The following PLEKHA6 variants were observed in gnomAD, a reference collection of about 807,000 sequenced individuals.
PLEKHA6 encodes the protein pleckstrin homology domain containing A6.
Under a neutral mutation model 116.7 loss-of-function variants are expected in PLEKHA6, and 60 were observed. The ratio of observed to expected loss-of-function variants is 0.51; its 90% CI spans 0.42 to 0.64. The LOEUF (loss-of-function observed/expected upper bound fraction) is 0.64, where lower values mean the gene tolerates loss of function less well. Ranked by LOEUF, PLEKHA6 falls within the 30% of genes least tolerant of loss-of-function variation. The probability of loss-of-function intolerance (pLI) is 0.00; values close to 1 mark genes in which losing one functional copy is unlikely to be tolerated. For missense variants in PLEKHA6, 1,338 were observed against 1,422.7 expected (o/e 0.94, Z 0.96); for synonymous variants, 489 against 556.1 (o/e 0.88, Z 1.70).
At chr1:204,305,911 G>A (rs576463799) in intron 1 of PLEKHA6, among the ~76,000 whole-genome samples, 14 of 152,040 alleles carry the variant, frequency 9.2e-5, no homozygotes, top group Admixed American at 6.6e-5. Flanking sequence ...TGCCCATCCC[G>A]CATCACCTCT....
chr1:204,301,844 C>G (rs1170558051), intron 1 of PLEKHA6, among the ~76,000 whole-genome samples: 1 of 152,152 alleles, frequency 6.6e-6, no homozygotes, highest in Non-Finnish European at 1.5e-5. Flanking sequence ...ATTCTCAGAT[C>G]TCTTGGCTCT....
At chr1:204,241,900 G>C (rs1662876116) in intron 15 of PLEKHA6, 86 bp from the exon 16 acceptor site, 1 of 1,429,424 alleles carries the variant, frequency 7.0e-7, no homozygotes, top group African/African-American at 1.4e-5. Flanking sequence ...TTTTTTAATG[G>C]TTGAAGCTCA....
Position 204,277,043 on chromosome 1 carries a change from G to A in PLEKHA6, c.-94-2234C>T, listed in dbSNP as rs1050387308. The A allele has an allele frequency of 2.6e-5, 4 of 152,634 alleles. No individual in the cohort carries two copies. The highest frequency in any genetic ancestry group is 6.5e-5 in the Admixed American group (1 of 15,268). 9.5% of individuals were successfully genotyped at this position (152,634 alleles called of 1,614,324 possible). A position where few individuals can be genotyped will look rare whatever the true frequency, so the allele number is the denominator to read the frequency against. On this transcript the variant is annotated intron_variant, in intron 1 of 22. Coordinates refer to ENST00000272203, the MANE Select transcript of PLEKHA6 (RefSeq NM_014935.5). The surrounding 1 kb of genome is among the most constrained non-coding windows in gnomAD (Gnocchi z 4.1). Reference sequence around the variant, plus strand: ...ACTTCAACATCTTTTTGGCAGCTCCGTCCCCAGTTTGGCAGCCTCAGAGGA... The same window carrying A: ...ACTTCAACATCTTTTTGGCAGCTCCATCCCCAGTTTGGCAGCCTCAGAGGA...
Position 204,248,859 on chromosome 1 carries a change from G to C in PLEKHA6, c.1786C>G (p.Leu596Val). The C allele has an allele frequency of 1.2e-6, 2 of 1,614,132 alleles. No individual in the cohort carries two copies. Among genetic ancestry groups the C allele is most frequent in the Non-Finnish European group, 1.7e-6 (2 of 1,180,006 alleles). ...GACAGCTCCACGCGGATGTTGATGAGCTGGTTCTGCAGTGAATCCTTTTTG... is the reference window on the plus strand; with the variant it reads ...GACAGCTCCACGCGGATGTTGATGACCTGGTTCTGCAGTGAATCCTTTTTG... The part of the protein sequence containing the change: ...RHKKDSLQNQ[L>V]INIRVELSQA... The change falls in exon 12 of 23, where the codon CTC becomes GTC. Residue 596 changes from leucine (L) to valine (V), a missense_variant. This residue lies in a region of PLEKHA6 where 1,136 missense variants were observed against 1,163.6 expected (regional missense o/e 0.98). Transcript: ENST00000272203.
chr1:204,254,588 T>C (rs1665028844), intron 9 of PLEKHA6, among the ~76,000 whole-genome samples: 1 of 152,154 alleles, frequency 6.6e-6, no homozygotes, highest in Admixed American at 6.5e-5. Flanking sequence ...TCACTGGCTG[T>C]GTGTTCTTGG....
chr1:204,278,671 T>C (rs986510394), intron 1 of PLEKHA6, among the ~76,000 whole-genome samples: 1 of 152,202 alleles, frequency 6.6e-6, no homozygotes, highest in African/African-American at 2.4e-5. Context: ...TAATCTTAAA[T>C]CCAGAAGGTC....
intron 3 of PLEKHA6, among the ~76,000 whole-genome samples, chr1:204,367,105 C>T (rs1416505093): frequency 6.6e-6 from 1 of 152,186 alleles, no homozygotes; most frequent in Non-Finnish European, 1.5e-5. Context: ...GAGACCCAGG[C>T]CAAGGCAGAG....
chr1:204,313,681 T>C, intron 1 of PLEKHA6: 1 of 985,322 alleles, frequency 1.0e-6, no homozygotes, highest in Non-Finnish European at 1.2e-6. Flanking sequence ...TGGCTGTCTT[T>C]GAGATTTTCA....
intron 1 of PLEKHA6, among the ~76,000 whole-genome samples, chr1:204,318,735 T>G (rs1044244859): frequency 3.3e-5 from 5 of 152,252 alleles, no homozygotes; most frequent in African/African-American, 1.2e-4. Context: ...TATAATGCAT[T>G]AAGTACTCGT....
intron 1 of PLEKHA6, chr1:204,280,541 C>T (rs768300332): frequency 5.0e-6 from 4 of 794,590 alleles, no homozygotes; most frequent in African/African-American, 1.9e-5. Flanking sequence ...GCTTCCCCAT[C>T]CTGAGGACGC....
At chr1:204,294,761 G>A (rs908727059) in intron 1 of PLEKHA6, among the ~76,000 whole-genome samples, 6 of 152,140 alleles carry the variant, frequency 3.9e-5, no homozygotes, top group South Asian at 2.1e-4. Context: ...CTGTGAAAAC[G>A]GGATAATATA....
At chr1:204,322,046 A>G (rs191415325) in intron 1 of PLEKHA6, among the ~76,000 whole-genome samples, 55 of 152,366 alleles carry the variant, frequency 3.6e-4, no homozygotes, top group African/African-American at 1.3e-3. Flanking sequence ...ACCATGTGCT[A>G]TGTAGCCACT....
chr1:204,263,873 T>G (rs1050184984), intron 6 of PLEKHA6, among the ~76,000 whole-genome samples: 3 of 152,246 alleles, frequency 2.0e-5, no homozygotes, highest in Non-Finnish European at 2.9e-5. Flanking sequence ...TCTTCACACC[T>G]CTGGCATACA....
chr1:204,284,160 T>C (rs908259112), intron 1 of PLEKHA6, among the ~76,000 whole-genome samples: 3 of 151,924 alleles, frequency 2.0e-5, no homozygotes, highest in African/African-American at 7.3e-5. Flanking sequence ...CTGATAAGAG[T>C]CTACAAAGCA....
intron 1 of PLEKHA6, among the ~76,000 whole-genome samples, chr1:204,357,370 T>C (rs1317807690): frequency 6.6e-6 from 1 of 152,204 alleles, no homozygotes; most frequent in African/African-American, 2.4e-5. Flanking sequence ...AGGAGCCCCC[T>C]GAACAGACAG....
intron 3 of PLEKHA6, among the ~76,000 whole-genome samples, chr1:204,268,537 A>C (rs890017143): frequency 2.6e-5 from 4 of 151,324 alleles, no homozygotes; most frequent in Non-Finnish European, 5.9e-5. Context: ...TCAAAATAAT[A>C]GTTCCAAAAA....
At chr1:204,274,634 T>G (rs557804001) in intron 2 of PLEKHA6, 95 bp downstream of exon 2, 1 of 985,582 alleles carries the variant, frequency 1.0e-6, no homozygotes, top group East Asian at 1.1e-4. Context: ...TTCCTTCCCC[T>G]CCCTGTTGCC....
At chr1:204,320,841 A>G (rs145823284) in intron 1 of PLEKHA6, among the ~76,000 whole-genome samples, 1 of 152,298 alleles carries the variant, frequency 6.6e-6, no homozygotes, top group Non-Finnish European at 1.5e-5. Flanking sequence ...TCCCCCAAAA[A>G]ACCCAGAATA....
upstream of PLEKHA6, among the ~76,000 whole-genome samples, chr1:204,363,517 A>G (rs958314925): frequency 3.9e-5 from 6 of 152,144 alleles, no homozygotes; most frequent in African/African-American, 1.4e-4. Flanking sequence ...GCGTCCTGCC[A>G]CGTCTCCCTC....
Sources: allele counts gnomAD v4.1 joint callset (sites outside exome capture counted in the v4.1 genomes callset), GRCh38; gene constraint gnomAD v4.1.1; regional missense constraint gnomAD v4.1.1; non-coding constraint Gnocchi (gnomAD v3.1); transcripts MANE v1.5; gene names NCBI Gene and HGNC (gene_info 2026-07-23, HGNC 2026-07-21).